MYO1B: variants seen among roughly 807,000 people sequenced by gnomAD.
MYO1B encodes the protein unconventional myosin-Ib.
Under a neutral mutation model 159.7 loss-of-function variants are expected in MYO1B, and 72 were observed. The observed-to-expected ratio is 0.45, with a 90% CI of 0.37 to 0.55. MYO1B has a LOEUF of 0.55. Among genes scored for constraint, MYO1B ranks in the 20% least tolerant of loss-of-function variants. MYO1B has a pLI of 0.00. For synonymous variants in MYO1B, 468 were observed against 473.8 expected, an observed-to-expected ratio of 0.99 and a Z score of 0.16; for missense variants, 1,062 against 1,364.8, an observed-to-expected ratio of 0.78 and a Z score of 3.50.
intron 11 of MYO1B, 110 bp from the exon 12 acceptor site, chr2:191,369,430 GAT>G (rs1694224956): frequency 1.3e-6 from 1 of 792,526 alleles, no homozygotes; most frequent in African/African-American, 1.7e-5. Flanking sequence ...GTTCTGCAAA[GAT>G]GTGAAATAAA....
intron 30 of MYO1B, among the ~76,000 whole-genome samples, chr2:191,417,030 C>A (rs1697619212): frequency 6.6e-6 from 1 of 152,120 alleles, no homozygotes; most frequent in South Asian, 2.1e-4. Context: ...AATTGGTTAC[C>A]TTTCAATAGA....
At chr2:191,330,284 G>A (rs889665745) in intron 4 of MYO1B, among the ~76,000 whole-genome samples, 1 of 152,130 alleles carries the variant, frequency 6.6e-6, no homozygotes, top group African/African-American at 2.4e-5. Context: ...TCTCTGGATG[G>A]TGCAAGATCT....
intron 1 of MYO1B, chr2:191,247,841 G>C (rs1352648709): frequency 1.3e-6 from 1 of 788,410 alleles, no homozygotes; most frequent in African/African-American, 1.9e-5. Flanking sequence ...TGGCCGTTCT[G>C]GTGGATGCCT....
intron 12 of MYO1B, 102 bp downstream of exon 12, chr2:191,369,730 C>T: frequency 1.2e-6 from 1 of 832,606 alleles, no homozygotes; most frequent in East Asian, 2.6e-5. Context: ...AATTGATTGC[C>T]ACTTACAAAG....
intron 5 of MYO1B, 141 bp from the exon 6 acceptor site, chr2:191,346,095 T>C: frequency 1.5e-6 from 1 of 676,720 alleles, no homozygotes; most frequent in Non-Finnish European, 2.5e-6. Context: ...AGTATATTTC[T>C]ATGGAAGTTT....
At chr2:191,392,412 T>G (rs1478131758) in intron 19 of MYO1B, among the ~76,000 whole-genome samples, 2 of 152,166 alleles carry the variant, frequency 1.3e-5, no homozygotes, top group Non-Finnish European at 2.9e-5. Context: ...ATCAAAGTCT[T>G]TGCTCTGACA....
At chr2:191,378,086 A>G (rs1694820795) in intron 13 of MYO1B, among the ~76,000 whole-genome samples, 1 of 152,006 alleles carries the variant, frequency 6.6e-6, no homozygotes, top group Non-Finnish European at 1.5e-5. Context: ...GGGCATCTCC[A>G]GGAGAATACT....
At chr2:191,250,202 G>A (rs906196459) in intron 1 of MYO1B, among the ~76,000 whole-genome samples, 6 of 152,296 alleles carry the variant, frequency 3.9e-5, no homozygotes, top group Middle Eastern at 3.4e-3. Flanking sequence ...AAGACCAGGG[G>A]AACACTTGCT....
intron 24 of MYO1B, 88 bp downstream of exon 24, chr2:191,402,806 G>A: frequency 9.8e-7 from 1 of 1,015,340 alleles, no homozygotes; most frequent in Non-Finnish European, 1.4e-6. Context: ...GATTATGCTT[G>A]CTGATGGTCT....
chr2:191,378,986 A>G (rs1208375417), intron 13 of MYO1B, among the ~76,000 whole-genome samples: 3 of 152,188 alleles, frequency 2.0e-5, no homozygotes, highest in Non-Finnish European at 4.4e-5. Flanking sequence ...CAGGCAAGTT[A>G]TATGATGTAT....
At chr2:191,414,712 A>G (rs747898375) in intron 29 of MYO1B, 43 bp downstream of exon 29, 2 of 1,559,512 alleles carry the variant, frequency 1.3e-6, no homozygotes, top group South Asian at 1.3e-5. Context: ...TCTCTCAGCC[A>G]TTGATTTAAA....
At chr2:191,272,150 G>C (rs1053470613) in intron 1 of MYO1B, among the ~76,000 whole-genome samples, 1 of 152,182 alleles carries the variant, frequency 6.6e-6, no homozygotes, top group Non-Finnish European at 1.5e-5. Flanking sequence ...CTTGAGATGA[G>C]AGTAGATAGG....
intron 29 of MYO1B, 77 bp from the exon 30 acceptor site, chr2:191,416,038 T>C: frequency 6.9e-7 from 1 of 1,455,530 alleles, no homozygotes; most frequent in East Asian, 2.3e-5. Context: ...ACTGTAAGTA[T>C]GTTTTTAGCC....
intron 1 of MYO1B, among the ~76,000 whole-genome samples, chr2:191,275,286 T>A (rs115127560): frequency 0.035 from 5,282 of 152,270 alleles, 109 homozygotes; most frequent in Middle Eastern, 0.061. Context: ...CTATTGTTTT[T>A]CTTTTTAGTG....
In MYO1B at chr2:191,276,953, A is replaced by G. The variant is rs757426850; in HGVS notation, c.58A>G (p.Met20Val). The change falls in exon 2 of 31, where the codon ATG (methionine) becomes GTG (valine). Residue 20 changes from methionine (M) to valine (V), a missense_variant. Transcript: ENST00000392318. ...GGACAATATGATTGGAGTTGGGGAT[A>G]TGGTTCTTTTAGAACCTCTCAATGA... ...LLDNMIGVGD[M>V]VLLEPLNEET... The G allele has an allele frequency of 3.1e-6, 5 of 1,613,986 alleles. No individual in the cohort carries two copies. Among genetic ancestry groups the G allele is most frequent in the South Asian group, 2.2e-5 (2 of 91,080 alleles).
chr2:191,267,587 A>G (rs1399002098), intron 1 of MYO1B, among the ~76,000 whole-genome samples: 1 of 152,208 alleles, frequency 6.6e-6, no homozygotes, highest in Non-Finnish European at 1.5e-5. Context: ...TGTAGGTAGG[A>G]ATGAAAATCA....
intron 7 of MYO1B, among the ~76,000 whole-genome samples, chr2:191,357,340 C>T (rs1357649374): frequency 3.9e-5 from 6 of 152,134 alleles, no homozygotes; most frequent in South Asian, 2.1e-4. Context: ...CCCTACATAA[C>T]GGCCAGGCTC....
chr2:191,321,692 G>T (rs2125895064), intron 3 of MYO1B, among the ~76,000 whole-genome samples: 1 of 152,210 alleles, frequency 6.6e-6, no homozygotes, highest in Middle Eastern at 3.4e-3. Flanking sequence ...ATATGCGTTG[G>T]GGTTCAGATT....
chr2:191,397,182 T>TTTTTA (rs1167800651), intron 21 of MYO1B, among the ~76,000 whole-genome samples: 1 of 148,082 alleles, frequency 6.8e-6, no homozygotes, highest in Non-Finnish European at 1.5e-5. Flanking sequence ...TTTTTTTTAT[T>TTTTTA]TTTTATTTTA....
Sources: gnomAD v4.1 joint callset for allele counts (sites outside exome capture counted in the v4.1 genomes callset) on GRCh38, gnomAD v4.1.1 for gene constraint, MANE v1.5 for transcripts, NCBI Gene and HGNC (gene_info 2026-07-23, HGNC 2026-07-21) for gene names.